TENM2: variants seen among roughly 807,000 people sequenced by gnomAD.
TENM2 encodes teneurin transmembrane protein 2.
In TENM2, 52 loss-of-function variants were observed where a neutral mutation model predicts 245.2. That is an observed-to-expected ratio of 0.21 (90% CI 0.17 to 0.27). TENM2 has a LOEUF of 0.27. Among genes scored for constraint, TENM2 ranks in the 10% least tolerant of loss-of-function variants. TENM2 has a pLI of 1.00. For synonymous variants in TENM2, 1,363 were observed against 1,438.9 expected, an observed-to-expected ratio of 0.95 and a Z score of 1.19; for missense variants, 3,046 against 3,666.8, an observed-to-expected ratio of 0.83 and a Z score of 4.37.
At chr5:167,146,872 TA>T in the TENM2 span, among the ~76,000 whole-genome samples, 1 of 151,990 alleles carries the variant, frequency 6.6e-6, no homozygotes, top group East Asian at 1.9e-4. Flanking sequence ...GGAGATGAAT[TA>T]AAAAAAATGA....
At chr5:168,012,556 G>A (rs1386132877) in intron 5 of TENM2, among the ~76,000 whole-genome samples, 2 of 151,266 alleles carry the variant, frequency 1.3e-5, no homozygotes, top group African/African-American at 4.9e-5. Context: ...GCTGAGGTGG[G>A]AGGATAGCTT....
chr5:167,902,792 G>T (rs138935275), intron 3 of TENM2, among the ~76,000 whole-genome samples: 3 of 152,252 alleles, frequency 2.0e-5, no homozygotes, highest in Non-Finnish European at 4.4e-5. Flanking sequence ...GTTTGCTTTT[G>T]TACTCCCCCA....
chr5:167,952,949 T>C, intron 4 of TENM2, 127 bp downstream of exon 6: 1 of 734,032 alleles, frequency 1.4e-6, no homozygotes, highest in Non-Finnish European at 2.3e-6. Context: ...ATGAGACAAG[T>C]TTACCACCTC....
At chr5:167,532,826 G>GTATATATATA (rs148505748) in intron 2 of TENM2, among the ~76,000 whole-genome samples, 2,070 of 144,488 alleles carry the variant, frequency 0.014, 81 homozygotes, top group Admixed American at 0.091. Context: ...GTGTGTGTGT[G>GTATATATATA]TATATATATA....
intron 2 of TENM2, among the ~76,000 whole-genome samples, chr5:167,532,826 GTATA>G (rs148505748): frequency 3.5e-5 from 5 of 144,528 alleles, no homozygotes; most frequent in African/African-American, 5.2e-5. Context: ...GTGTGTGTGT[GTATA>G]TATATATATA....
At chr5:167,748,292 T>C (rs1761724230) in intron 2 of TENM2, among the ~76,000 whole-genome samples, 1 of 152,216 alleles carries the variant, frequency 6.6e-6, no homozygotes, top group Non-Finnish European at 1.5e-5. Context: ...CCAAGTTTCA[T>C]TGACCCATAT....
intron 2 of TENM2, among the ~76,000 whole-genome samples, chr5:167,786,267 A>G (rs1246395145): frequency 6.6e-6 from 1 of 152,226 alleles, no homozygotes; most frequent in Admixed American, 6.5e-5. Context: ...GCTGAACTCC[A>G]GCTGGCTTTG....
intron 3 of TENM2, among the ~76,000 whole-genome samples, chr5:167,905,226 G>T (rs575114150): frequency 6.6e-6 from 1 of 152,128 alleles, no homozygotes; most frequent in African/African-American, 2.4e-5. Context: ...CCGACAGTTC[G>T]GAATACACAG....
rs142525046 is a variant in TENM2, at chr5:168,197,859, C to T, written c.2901-994C>T. The stretch of plus-strand genomic sequence containing the variant: ...ACACCTCCATCCAGCTCTTAAGAAA[C>T]GAACAGAAATATAGCTTAAGAACCA... On this transcript the variant is annotated intron_variant, in intron 15 of 28. Coordinates refer to ENST00000518659, the Ensembl canonical transcript of TENM2. Among the ~76,000 whole-genome samples the T allele has an allele frequency of 6.7e-3, 1,021 of 152,192 alleles. 16 individuals carry two copies. Among genetic ancestry groups the T allele is most frequent in the African/African-American group, 0.023 (973 of 41,522 alleles).
chr5:167,917,815 G>A (rs1777064080), intron 3 of TENM2, among the ~76,000 whole-genome samples: 1 of 152,164 alleles, frequency 6.6e-6, no homozygotes, highest in Admixed American at 6.5e-5. Flanking sequence ...AAAGTGCGTT[G>A]ACTAGTTTGA....
chr5:167,452,043 T>C (rs1177492724), intron 2 of TENM2, among the ~76,000 whole-genome samples: 5 of 152,140 alleles, frequency 3.3e-5, no homozygotes, highest in Admixed American at 6.5e-5. Flanking sequence ...AAAAGAACTA[T>C]ATCAGAGCAT....
intron 20 of TENM2, among the ~76,000 whole-genome samples, chr5:168,212,108 C>T (rs2152554670): frequency 6.6e-6 from 1 of 151,724 alleles, no homozygotes; most frequent in African/African-American, 2.4e-5. Flanking sequence ...TTCACAAAAG[C>T]TTTAATGAAC....
At chr5:167,297,033 C>A (rs1466047590) in intron 1 of TENM2, among the ~76,000 whole-genome samples, 1 of 152,156 alleles carries the variant, frequency 6.6e-6, no homozygotes, top group South Asian at 2.1e-4. Context: ...AGGGAGGACC[C>A]AGGCATCAGC....
chr5:167,079,035 C>T, the TENM2 span, among the ~76,000 whole-genome samples: 1 of 152,062 alleles, frequency 6.6e-6, no homozygotes, highest in African/African-American at 2.4e-5. Flanking sequence ...CAGAGGGTCA[C>T]CTTGTTACAC....
the TENM2 span, among the ~76,000 whole-genome samples, chr5:167,175,057 T>C: frequency 2.0e-5 from 3 of 152,150 alleles, no homozygotes; most frequent in South Asian, 6.2e-4. Flanking sequence ...GATACCATAA[T>C]TTCCTTATCC....
the TENM2 span, among the ~76,000 whole-genome samples, chr5:167,247,453 A>G: frequency 6.6e-6 from 1 of 152,182 alleles, no homozygotes; most frequent in Non-Finnish European, 1.5e-5. Flanking sequence ...AGGCTGTCAA[A>G]TGAGTTTTAT....
chr5:167,613,514 G>A (rs1777602503), intron 2 of TENM2, among the ~76,000 whole-genome samples: 1 of 152,066 alleles, frequency 6.6e-6, no homozygotes, highest in African/African-American at 2.4e-5. Context: ...CATCTTGTAG[G>A]TCAGTTTGTT....
At chr5:168,213,897 G>T (rs1050828685) in intron 20 of TENM2, among the ~76,000 whole-genome samples, 1 of 152,162 alleles carries the variant, frequency 6.6e-6, no homozygotes, top group African/African-American at 2.4e-5. Context: ...ACCACACTGA[G>T]GCAGAAAGGC....
chr5:167,171,631 G>A, the TENM2 span, among the ~76,000 whole-genome samples: 15 of 152,140 alleles, frequency 9.9e-5, no homozygotes, highest in Non-Finnish European at 4.4e-5. Context: ...TTGCAACCTG[G>A]AGCTATGAAA....
Sources: gnomAD v4.1 joint callset for allele counts (sites outside exome capture counted in the v4.1 genomes callset) on GRCh38, gnomAD v4.1.1 for gene constraint, MANE v1.5 for transcripts, NCBI Gene and HGNC (gene_info 2026-07-23, HGNC 2026-07-21) for gene names.